Variants in RBSN observed in about 807,000 individuals in gnomAD.
RBSN encodes rabenosyn, RAB effector.
A neutral mutation model predicts 60.5 loss-of-function variants in RBSN; 34 were observed. The observed-to-expected ratio is 0.56, with a 90% CI of 0.43 to 0.75. RBSN has a LOEUF of 0.75. Ranked by LOEUF, RBSN falls within the 30% of genes least tolerant of loss-of-function variation. The probability of loss-of-function intolerance (pLI) is 0.00; values close to 1 mark genes in which losing one functional copy is unlikely to be tolerated. For missense variants in RBSN, 845 were observed against 986.8 expected (o/e 0.86, Z 1.92); for synonymous variants, 322 against 366.9 (o/e 0.88, Z 1.40).
Position 15,098,482 on chromosome 3 carries a change from A to AAC in RBSN, c.-500-209_-500-208insGT, listed in dbSNP as rs2043732534. ...AAAAAAATAAAAATAAAAAAAATAA[A>AAC]TATAGCTACATGTTCTGCAGCCGTA... On this transcript the variant is annotated intron_variant, in intron 1 of 13. Transcript: ENST00000253699. Among the ~76,000 whole-genome samples the AAC allele has an allele frequency of 2.6e-5, 3 of 117,304 alleles. 1 individual carries two copies. Among genetic ancestry groups the AAC allele is most frequent in the Admixed American group, 9.9e-5 (1 of 10,128 alleles). 77.0% of individuals were successfully genotyped at this position (117,304 alleles called of 152,430 possible).
intron 13 of RBSN, chr3:15,075,346 G>T (rs778942085): frequency 1.1e-5 from 7 of 646,494 alleles, no homozygotes; most frequent in Middle Eastern, 2.4e-4. Flanking sequence ...TCCTGCCATA[G>T]GGAGAACTGT....
In RBSN at chr3:15,096,246, T is replaced by C; in HGVS notation, c.-126A>G. 9.5e-7 allele frequency: 1 copy of C among 1,056,266 alleles called. No homozygotes were observed. The highest frequency in any genetic ancestry group is 2.8e-5 in the East Asian group (1 of 35,268). 65.4% of individuals were successfully genotyped at this position (1,056,266 alleles called of 1,614,324 possible). ...GCACACAGATGGTGAGGAAGTGGCT[T>C]CATGGCCCTGGATGAGGTTTCCTCT... On this transcript the variant is annotated 5_prime_UTR_variant, in exon 4 of 14. The change abolishes the stop of an existing upstream ORF in the 5' untranslated region. Transcript: ENST00000253699.
Position 15,077,904 on chromosome 3 carries a change from A to G in RBSN, c.998+171T>C, listed in dbSNP as rs2043093886. 2.0e-5 allele frequency among the ~76,000 whole-genome samples: 3 copies of G among 152,206 alleles called. No homozygotes were observed. The highest frequency in any genetic ancestry group is 7.2e-5 in the African/African-American group (3 of 41,440). On this transcript the variant is annotated intron_variant, in intron 11 of 13. Coordinates refer to ENST00000253699, the MANE Select transcript of RBSN (RefSeq NM_022340.4). This position sits in a 1 kb window ranked among gnomAD's most constrained non-coding sequence, Gnocchi z 4.4. ...AACATTAGAAATCCTTAACGAAACAAAAGTCACTGAGATGCATTAAGTGCC... is the reference window on the plus strand; with the variant it reads ...AACATTAGAAATCCTTAACGAAACAGAAGTCACTGAGATGCATTAAGTGCC...
At chr3:15,079,838 A>G (rs1489499449) in intron 10 of RBSN, among the ~76,000 whole-genome samples, 1 of 151,968 alleles carries the variant, frequency 6.6e-6, no homozygotes, top group Admixed American at 6.5e-5. Context: ...AATGTTTACA[A>G]TGAAGACAGT....
intron 4 of RBSN, 99 bp from the exon 5 acceptor site, chr3:15,090,638 GT>G (rs1279796065): frequency 1.3e-5 from 19 of 1,495,604 alleles, no homozygotes; most frequent in Middle Eastern, 1.8e-4. Flanking sequence ...AATAATTATC[GT>G]TTGTTTAAAA....
At chr3:15,075,062 T>C in intron 13 of RBSN, 132 bp from the exon 14 acceptor site, 1 of 1,086,456 alleles carries the variant, frequency 9.2e-7, no homozygotes, top group Non-Finnish European at 1.3e-6. Context: ...GACAAAGATA[T>C]CCAACTGCTA....
chr3:15,080,433 G>C (rs2043174854), intron 10 of RBSN, among the ~76,000 whole-genome samples: 1 of 152,132 alleles, frequency 6.6e-6, no homozygotes, highest in Admixed American at 6.5e-5. Flanking sequence ...GCTGCACTCA[G>C]CAGCAGTACC....
chr3:15,078,779 CATAT>C (rs57572763), intron 10 of RBSN, among the ~76,000 whole-genome samples: 1,321 of 50,390 alleles, frequency 0.026, 46 homozygotes, highest in Middle Eastern at 0.079. Flanking sequence ...AAAAAAAATA[CATAT>C]ATATATATAT....
Position 15,085,050 on chromosome 3 carries a change from C to A in RBSN, c.391-5G>T. 1 of 1,614,152 alleles carries A rather than the reference C, an allele frequency of 6.2e-7. No homozygotes were observed. The highest frequency in any genetic ancestry group is 2.2e-5 in the East Asian group (1 of 44,888). ...TGTTCTGTCAAATGCAGTGAGCTGA[C>A]CGGAAGAAAATAGTGCCAAATGAAA... On this transcript the variant is annotated splice_region_variant and splice_polypyrimidine_tract_variant and intron_variant, in intron 6 of 13. Coordinates refer to ENST00000253699, the MANE Select transcript of RBSN (RefSeq NM_022340.4).
chr3:15,096,164 A>G lies in RBSN; in HGVS notation c.-44T>C, dbSNP rs1401132899. On this transcript the variant is annotated 5_prime_UTR_variant, in exon 4 of 14. Transcript: ENST00000253699. Reference sequence around the variant, plus strand: ...CCTAGGAAGGCAGGAATCTCATGCCAAGAGTCAGCTTGATTCCTCCCAAGG... The same window carrying G: ...CCTAGGAAGGCAGGAATCTCATGCCGAGAGTCAGCTTGATTCCTCCCAAGG... The G allele has an allele frequency of 6.6e-7, 1 of 1,520,886 alleles. No individual in the cohort carries two copies. The highest frequency in any genetic ancestry group is 2.2e-5 in the Admixed American group (1 of 44,730). The allele number at this position is 1,520,886 out of a possible 1,614,324, so 94.2% of individuals were successfully genotyped here. A position where few individuals can be genotyped will look rare whatever the true frequency, so the allele number is the denominator to read the frequency against.
rs1337673998 is a variant in RBSN at position 15,096,092 on chromosome 3, A to G, written c.29T>C (p.Val10Ala). MASLDDPGE[V>A]REGFLCPLCL... ...CAGAGGGCAGAGGAAGCCCTCCCTC[A>G]CTTCCCCTGGGTCGTCCAGAGAAGC... Residue 10 changes from valine to alanine, a missense_variant, in exon 4 of 14, where the codon GTG (valine) becomes GCG (alanine). Coordinates refer to ENST00000253699, the MANE Select transcript of RBSN (RefSeq NM_022340.4). 1.2e-6 allele frequency: 2 copies of G among 1,607,146 alleles called. No homozygotes were observed. The highest frequency in any genetic ancestry group is 1.7e-6 in the Non-Finnish European group (2 of 1,176,262).
intron 5 of RBSN, among the ~76,000 whole-genome samples, chr3:15,087,856 T>C (rs28545568): frequency 0.05 from 7,662 of 152,210 alleles, 242 homozygotes; most frequent in East Asian, 0.13. Context: ...CCTGGCCTCA[T>C]GTGATCTACC....
In RBSN at chr3:15,074,107, T is replaced by C. The variant is rs780915139; in HGVS notation, c.2030A>G (p.Asn677Ser). 7 of 1,613,854 alleles carry C rather than the reference T, an allele frequency of 4.3e-6. No homozygotes were observed. Among genetic ancestry groups the C allele is most frequent in the South Asian group, 1.1e-5 (1 of 91,070 alleles). ...TGGGCTGTCTGGCTGAATGAATGGA[T>C]TCCCTGCCACTGCTTCCTCCTCCTC... Reference protein sequence around the residue: ...EDEEEEAVAGNPFIQPDSPAP... With the variant: ...EDEEEEAVAGSPFIQPDSPAP... Residue 677 changes from asparagine (N) to serine (S), a missense_variant, in exon 14 of 14, where the codon AAT (asparagine) becomes AGT (serine). Coordinates refer to ENST00000253699, the MANE Select transcript of RBSN (RefSeq NM_022340.4). The surrounding 1 kb of genome is among the most constrained non-coding windows in gnomAD (Gnocchi z 6.4).
chr3:15,091,575 G>C (rs1267403875), intron 4 of RBSN: 2 of 1,117,736 alleles, frequency 1.8e-6, no homozygotes, highest in Non-Finnish European at 2.3e-6. Flanking sequence ...TATGTACCAG[G>C]TACAACGCAA....
At chr3:15,076,259 T>G (rs2043050880) in intron 12 of RBSN, among the ~76,000 whole-genome samples, 1 of 152,160 alleles carries the variant, frequency 6.6e-6, no homozygotes, top group Non-Finnish European at 1.5e-5. Context: ...GGCCTACTTC[T>G]CTATACTACA....
chr3:15,074,323 G>A lies in RBSN; in HGVS notation c.1814C>T (p.Ala605Val). Reference sequence around the variant, plus strand: ...CTGGGGTAAGCGCTCCTGGCCAACGGCTGGGGGCCCAGACCACACTCTGGT... The same window carrying A: ...CTGGGGTAAGCGCTCCTGGCCAACGACTGGGGGCCCAGACCACACTCTGGT... ...QPTRVWSGPPAVGQERLPQSS... is the reference protein window; with the variant it reads ...QPTRVWSGPPVVGQERLPQSS... Residue 605 changes from alanine (A) to valine (V), a missense_variant, in exon 14 of 14, where the codon GCC becomes GTC. Ala to Val is a moderately conservative substitution (Grantham distance 64). Transcript: ENST00000253699. The surrounding 1 kb of genome is among the most constrained non-coding windows in gnomAD (Gnocchi z 6.4). 6.2e-7 allele frequency: 1 copy of A among 1,614,150 alleles called. No individual in the cohort carries two copies. Among genetic ancestry groups the A allele is most frequent in the African/African-American group, 1.3e-5 (1 of 75,036 alleles).
chr3:15,096,302 G>C lies in RBSN; in HGVS notation c.-168-14C>G, dbSNP rs1559355588. ...GTAGGAGGAGCCCTAAGAAAGAAAA[G>C]AAGAAGGGAAAAAAGCCAATTCAGG... On this transcript the variant is annotated splice_polypyrimidine_tract_variant and intron_variant, in intron 3 of 13. Transcript: ENST00000253699. 8.6e-6 allele frequency: 5 copies of C among 582,544 alleles called. No individual in the cohort carries two copies. The South Asian group carries it at 2.6e-4, about 30-fold the overall frequency. 36.1% of individuals were successfully genotyped at this position (582,544 alleles called of 1,614,324 possible).
chr3:15,084,991 TAA>T lies in RBSN; in HGVS notation c.436+7_436+8del. The T allele has an allele frequency of 1.2e-6, 2 of 1,614,262 alleles. No homozygotes were observed. Among genetic ancestry groups the T allele is most frequent in the Admixed American group, 3.3e-5 (2 of 60,028 alleles). On this transcript the variant is annotated splice_region_variant and intron_variant, in intron 7 of 13. Transcript: ENST00000253699. This position sits in a 1 kb window ranked among gnomAD's most constrained non-coding sequence, Gnocchi z 4.2. ...AATAAGATGAATGTGAGCAAAGTTTTAAAGTTACCTCGAATCTTTGCAGACTC... is the reference window on the plus strand; with the variant it reads ...AATAAGATGAATGTGAGCAAAGTTTTAGTTACCTCGAATCTTTGCAGACTC...
At chr3:15,087,191 C>T (rs749325968) in intron 5 of RBSN, among the ~76,000 whole-genome samples, 1 of 152,150 alleles carries the variant, frequency 6.6e-6, no homozygotes, top group Non-Finnish European at 1.5e-5. Flanking sequence ...TCTACTCTCA[C>T]TGATTTTCAA....
Sources: allele counts gnomAD v4.1 joint callset (sites outside exome capture counted in the v4.1 genomes callset), GRCh38; gene constraint gnomAD v4.1.1; non-coding constraint Gnocchi (gnomAD v3.1); transcripts MANE v1.5; gene names NCBI Gene and HGNC (gene_info 2026-07-23, HGNC 2026-07-21).